The following VCPIP1 variants were observed in gnomAD, a reference collection of about 807,000 sequenced individuals.
The protein encoded by VCPIP1 is deubiquitinating protein VCPIP1.
In VCPIP1, 8 loss-of-function variants were observed where a neutral mutation model predicts 85.0. The ratio of observed to expected loss-of-function variants is 0.09; its 90% CI spans 0.06 to 0.17. The LOEUF is 0.17. VCPIP1 is among the 10% of genes least tolerant of loss of function. The probability of loss-of-function intolerance (pLI) is 1.00; values close to 1 mark genes in which losing one functional copy is unlikely to be tolerated. For missense variants in VCPIP1, 1,070 were observed against 1,486.3 expected, an observed-to-expected ratio of 0.72 and a Z score of 4.61; for synonymous variants, 543 against 544.5, an observed-to-expected ratio of 1.00 and a Z score of 0.04.
chr8:66,641,601 C>G (rs1468377592), intron 2 of VCPIP1, among the ~76,000 whole-genome samples: 1 of 152,186 alleles, frequency 6.6e-6, no homozygotes, highest in Non-Finnish European at 1.5e-5. Context: ...TGAACCTTAG[C>G]AGTCATTCCC....
At chr8:66,655,965 C>T (rs932578948) in intron 1 of VCPIP1, among the ~76,000 whole-genome samples, 8 of 152,138 alleles carry the variant, frequency 5.3e-5, no homozygotes, top group Admixed American at 2.0e-4. Flanking sequence ...CAATCTTCTA[C>T]CTGAAACAGT....
At chr8:66,638,968 C>CTATA (rs1432062184) in intron 2 of VCPIP1, among the ~76,000 whole-genome samples, 122 of 127,018 alleles carry the variant, frequency 9.6e-4, no homozygotes, top group Non-Finnish European at 1.2e-3. Flanking sequence ...CTCTCTCTCT[C>CTATA]TCTATATATA....
chr8:66,647,429 C>A (rs1369801199), intron 2 of VCPIP1, among the ~76,000 whole-genome samples: 1 of 149,702 alleles, frequency 6.7e-6, no homozygotes, highest in Non-Finnish European at 1.5e-5. Flanking sequence ...CTCAGAACAC[C>A]CAAAACAATT....
intron 1 of VCPIP1, among the ~76,000 whole-genome samples, chr8:66,660,798 C>T (rs1488315574): frequency 6.6e-6 from 1 of 152,098 alleles, no homozygotes; most frequent in Non-Finnish European, 1.5e-5. Context: ...AATCCCAGCA[C>T]TTTGGGAGGC....
chr8:66,634,824 T>A lies in VCPIP1; in HGVS notation c.3346A>T (p.Ile1116Phe). ...AGGTGCCTGTCCATTGAAGCCTGAA[T>A]AGAAGAAACCATTTCCTGCAATTTT... ...RKKLQEMVSS[I>F]QASMDRHLRD... Residue 1116 changes from isoleucine to phenylalanine, a missense_variant, in exon 3 of 3, where the codon ATT (isoleucine) becomes TTT (phenylalanine). Physicochemically the swap from Ile to Phe is conservative, Grantham distance 21 (BLOSUM62 0). This residue lies in a region of VCPIP1 where 255 missense variants were observed against 289.5 expected (regional missense o/e 0.88). Coordinates refer to ENST00000310421, the MANE Select transcript of VCPIP1 (RefSeq NM_025054.5). 6.2e-7 allele frequency: 1 copy of A among 1,614,228 alleles called. No homozygotes were observed. The highest frequency in any genetic ancestry group is 8.5e-7 in the Non-Finnish European group (1 of 1,180,052).
In VCPIP1 at chr8:66,667,181, C is replaced by A. The variant is rs191872173; in HGVS notation, c.-223G>T. ...GTTGCCCCGAACGTAACGGCCACCA[C>A]CCCACCCCGCACTCACACTCACTCA... On this transcript the variant is annotated 5_prime_UTR_variant, in exon 1 of 3. Coordinates refer to ENST00000310421, the MANE Select transcript of VCPIP1 (RefSeq NM_025054.5). The A allele has an allele frequency of 3.6e-3, 3,249 of 904,694 alleles. 6 individuals carry two copies. Among genetic ancestry groups the A allele is most frequent in the Admixed American group, 5.8e-3 (173 of 30,054 alleles). 56.0% of individuals were successfully genotyped at this position (904,694 alleles called of 1,614,324 possible).
chr8:66,667,231 C>CCG, upstream of VCPIP1: 2 of 562,724 alleles, frequency 3.6e-6, no homozygotes, highest in South Asian at 3.8e-5. Context: ...CCCTCAGACA[C>CCG]AGACATACAC....
At chr8:66,646,072 A>AT (rs111341096) in intron 2 of VCPIP1, among the ~76,000 whole-genome samples, 1,683 of 140,012 alleles carry the variant, frequency 0.012, 28 homozygotes, top group African/African-American at 0.027. Flanking sequence ...GTCAAAATGC[A>AT]TTTTTTTTTT....
At chr8:66,653,634 C>T (rs992144429) in intron 1 of VCPIP1, 5 of 152,098 alleles carry the variant, frequency 3.3e-5, no homozygotes, top group African/African-American at 7.2e-5. Context: ...CAGAACTGAC[C>T]AACTGATTAA....
chr8:66,663,938 A>T (rs1811181118), intron 1 of VCPIP1, among the ~76,000 whole-genome samples: 1 of 152,232 alleles, frequency 6.6e-6, no homozygotes, highest in Admixed American at 6.5e-5. Context: ...AATAGAGCCT[A>T]CCAAAAAATT....
Position 66,667,215 on chromosome 8 carries a change from C to T in VCPIP1, c.-257G>A. 6.2e-6 allele frequency: 4 copies of T among 647,338 alleles called. No homozygotes were observed. The highest frequency in any genetic ancestry group is 9.7e-6 in the Non-Finnish European group (4 of 413,954). 40.1% of individuals were successfully genotyped at this position (647,338 alleles called of 1,614,324 possible). The stretch of plus-strand genomic sequence containing the variant: ...GCACTCACACTCACTCACTCTCGCT[C>T]TCTCTCCCTCAGACACAGACATACA... On this transcript the variant is annotated 5_prime_UTR_variant, in exon 1 of 3. Transcript: ENST00000310421.
chr8:66,652,546 G>C (rs1413008772), intron 1 of VCPIP1, among the ~76,000 whole-genome samples: 1 of 151,984 alleles, frequency 6.6e-6, no homozygotes, highest in African/African-American at 2.4e-5. Context: ...CCAGAAAGTG[G>C]AGGTTGCAGT....
Position 66,629,726 on chromosome 8 carries a change from T to TAGTCCC in VCPIP1, c.*4769_*4774dup, listed in dbSNP as rs1273620621. On this transcript the variant is annotated 3_prime_UTR_variant, in exon 3 of 3. Transcript: ENST00000310421. Reference sequence around the variant, plus strand: ...AGCCAGGTGTGGTGGCACATGCCTGTAGTCCCAGCTATTCAGGAGGCTGAG... The same window carrying TAGTCCC: ...AGCCAGGTGTGGTGGCACATGCCTGTAGTCCCAGTCCCAGCTATTCAGGAGGCTGAG... 6.6e-6 allele frequency: 1 copy of TAGTCCC among 152,542 alleles called. No individual in the cohort carries two copies. Among genetic ancestry groups the TAGTCCC allele is most frequent in the East Asian group, 1.9e-4 (1 of 5,204 alleles). 9.4% of individuals were successfully genotyped at this position (152,542 alleles called of 1,614,324 possible).
intron 1 of VCPIP1, among the ~76,000 whole-genome samples, chr8:66,652,861 A>C (rs1031164756): frequency 6.6e-6 from 1 of 152,216 alleles, no homozygotes; most frequent in Admixed American, 6.5e-5. Flanking sequence ...TAATGTATAC[A>C]TACTACTTTT....
intron 1 of VCPIP1, among the ~76,000 whole-genome samples, chr8:66,656,886 A>G (rs1811105700): frequency 6.6e-6 from 1 of 151,578 alleles, no homozygotes. Flanking sequence ...GCCTGGGATT[A>G]CAGGCTTGAG....
chr8:66,635,869 C>T lies in VCPIP1; in HGVS notation c.2798-497G>A, dbSNP rs527614907. Among the ~76,000 whole-genome samples the T allele has an allele frequency of 6.3e-5, 9 of 142,264 alleles. No individual in the cohort carries two copies. In the South Asian group the frequency reaches 1.3e-3, roughly 21 times the overall value. 93.3% of individuals were successfully genotyped at this position (142,264 alleles called of 152,430 possible). A position where few individuals can be genotyped will look rare whatever the true frequency, so the allele number is the denominator to read the frequency against. On this transcript the variant is annotated intron_variant, in intron 2 of 2. Transcript: ENST00000310421. ...CAGAGGTTGCAGTGAGCTGAGATTG[C>T]GGCACTGCACTCCAGCCTGGACAAT...
rs1810841878 is a variant in VCPIP1 at position 66,632,287 on chromosome 8, A to T, written c.*2214T>A. On this transcript the variant is annotated 3_prime_UTR_variant, in exon 3 of 3. Coordinates refer to ENST00000310421, the MANE Select transcript of VCPIP1 (RefSeq NM_025054.5). ...CCTGGCCTACTTCTCAAAAACCATC[A>T]ATTCACCCCAACCAAATTTTCAGCT... 6.6e-6 allele frequency: 1 copy of T among 152,076 alleles called. No homozygotes were observed. The highest frequency in any genetic ancestry group is 2.1e-4 in the South Asian group (1 of 4,836). The allele number at this position is 152,076 out of a possible 1,614,324, so 9.4% of individuals were successfully genotyped here. A position where few individuals can be genotyped will look rare whatever the true frequency, so the allele number is the denominator to read the frequency against.
rs1328527584 is a variant in VCPIP1, at chr8:66,664,614, T to C, written c.2345A>G (p.Asn782Ser). Reference protein sequence around the residue: ...SKEKKIRITTNDGRQSMVTLK... With the variant: ...SKEKKIRITTSDGRQSMVTLK... ...GGTAACCATGGACTGTCGTCCATCATTAGTTGTGATTCGGATCTTCTTCTC... is the reference window on the plus strand; with the variant it reads ...GGTAACCATGGACTGTCGTCCATCACTAGTTGTGATTCGGATCTTCTTCTC... Residue 782 changes from asparagine to serine, a missense_variant, in exon 1 of 3, where the codon AAT becomes AGT. Around this residue, in one of 8 missense-constraint regions of VCPIP1, gnomAD observed 278 missense variants for 298.5 expected, o/e 0.93. Coordinates refer to ENST00000310421, the MANE Select transcript of VCPIP1 (RefSeq NM_025054.5). 1 of 1,614,092 alleles carries C rather than the reference T, an allele frequency of 6.2e-7. No individual in the cohort carries two copies.
At chr8:66,662,369 T>C (rs1811166107) in intron 1 of VCPIP1, among the ~76,000 whole-genome samples, 1 of 152,232 alleles carries the variant, frequency 6.6e-6, no homozygotes, top group African/African-American at 2.4e-5. Context: ...GATGTACCTT[T>C]TTCCTTTGTA....
Sources: allele counts gnomAD v4.1 joint callset (sites outside exome capture counted in the v4.1 genomes callset), GRCh38; gene constraint gnomAD v4.1.1; regional missense constraint gnomAD v4.1.1; transcripts MANE v1.5; gene names NCBI Gene and HGNC (gene_info 2026-07-23, HGNC 2026-07-21).